NDUFA13: variants seen among roughly 807,000 people sequenced by gnomAD.
The protein encoded by NDUFA13 is NADH:ubiquinone oxidoreductase subunit A13.
Under a neutral mutation model 17.0 loss-of-function variants are expected in NDUFA13, and 16 were observed. The observed-to-expected ratio is 0.94, with a 90% CI of 0.64 to 1.43. The LOEUF is 1.43. Among genes scored for constraint, NDUFA13 ranks in the 40% most tolerant of loss-of-function variants. The probability of loss-of-function intolerance (pLI) is 0.00; values close to 1 mark genes in which losing one functional copy is unlikely to be tolerated. For synonymous variants in NDUFA13, 87 were observed against 78.4 expected (o/e 1.11, Z -0.58); for missense variants, 228 against 206.7 (o/e 1.10, Z -0.63).
intron 1 of NDUFA13, among the ~76,000 whole-genome samples, chr19:19,517,671 C>G (rs2061056409): frequency 6.6e-6 from 1 of 151,648 alleles, no homozygotes; most frequent in African/African-American, 2.4e-5. Context: ...CCTCCCCAGC[C>G]CCTTCTTGGT....
chr19:19,527,677 C>CCACCAT (rs1444813120), intron 3 of NDUFA13, 24 bp from the exon 4 acceptor site: 2 of 1,547,300 alleles, frequency 1.3e-6, no homozygotes, highest in South Asian at 2.4e-5. Context: ...GGCCCCACCC[C>CCACCAT]CACCATCGGC....
chr19:19,521,771 T>G (rs2061079305), intron 1 of NDUFA13, among the ~76,000 whole-genome samples: 1 of 151,846 alleles, frequency 6.6e-6, no homozygotes, highest in Non-Finnish European at 1.5e-5. Context: ...CCCGGCTAAT[T>G]TTTTGCATTT....
chr19:19,517,149 G>A (rs1180066821), intron 1 of NDUFA13, among the ~76,000 whole-genome samples: 3 of 151,964 alleles, frequency 2.0e-5, no homozygotes, highest in African/African-American at 7.3e-5. Context: ...ACAGAAAATT[G>A]AAAAAGAGAA....
At chr19:19,522,744 C>T (rs547980676) in intron 1 of NDUFA13, among the ~76,000 whole-genome samples, 3 of 152,100 alleles carry the variant, frequency 2.0e-5, no homozygotes, top group Non-Finnish European at 2.9e-5. Context: ...TCCCAAAGTG[C>T]TAGAATTACA....
chr19:19,527,413 C>T, intron 3 of NDUFA13, 61 bp downstream of exon 3: 1 of 1,569,420 alleles, frequency 6.4e-7, no homozygotes, highest in Non-Finnish European at 8.8e-7. Flanking sequence ...GCTGCAGGGC[C>T]TGACCTGCAT....
chr19:19,516,526 G>T (rs1467693956), intron 1 of NDUFA13, among the ~76,000 whole-genome samples, 194 bp downstream of exon 1: 1 of 152,332 alleles, frequency 6.6e-6, no homozygotes, highest in East Asian at 1.9e-4. Context: ...CTTCCTTCTC[G>T]TAACAGCCCA....
chr19:19,526,387 A>G, intron 2 of NDUFA13, 127 bp downstream of exon 2: 1 of 1,020,004 alleles, frequency 9.8e-7, no homozygotes, highest in Non-Finnish European at 1.5e-6. Context: ...GTGCAATCCC[A>G]GGCCCCAGAA....
intron 1 of NDUFA13, among the ~76,000 whole-genome samples, chr19:19,519,826 C>T: frequency 6.6e-6 from 1 of 152,182 alleles, no homozygotes; most frequent in Non-Finnish European, 1.5e-5. Context: ...AGTGGCCTTC[C>T]CACCAGACCT....
At chr19:19,521,665 C>G (rs549535237) in intron 1 of NDUFA13, among the ~76,000 whole-genome samples, 1 of 37,922 alleles carries the variant, frequency 2.6e-5, no homozygotes, top group Non-Finnish European at 4.7e-5. Flanking sequence ...TGTAGTGGCA[C>G]GATCTCTGCT....
At chr19:19,525,536 T>TG (rs2061095948) in intron 1 of NDUFA13, among the ~76,000 whole-genome samples, 2 of 152,150 alleles carry the variant, frequency 1.3e-5, no homozygotes, top group Admixed American at 6.5e-5. Flanking sequence ...GAGAAGAGAC[T>TG]GGGGCTGGAA....
intron 1 of NDUFA13, 79 bp from the exon 2 acceptor site, chr19:19,526,103 C>T: frequency 6.3e-7 from 1 of 1,577,324 alleles, no homozygotes; most frequent in Non-Finnish European, 8.6e-7. Context: ...CCCCTGATTG[C>T]AGAGTGGGCA....
chr19:19,526,360 G>A, intron 2 of NDUFA13, 100 bp downstream of exon 2: 2 of 1,340,356 alleles, frequency 1.5e-6, no homozygotes, highest in Non-Finnish European at 2.1e-6. Context: ...GGGTGAACGG[G>A]CCCCTTGGAC....
intron 1 of NDUFA13, 121 bp downstream of exon 1, chr19:19,516,453 A>T: frequency 9.6e-7 from 1 of 1,037,836 alleles, no homozygotes; most frequent in African/African-American, 1.6e-5. Flanking sequence ...GAGCCCGGGG[A>T]TCCATCATAG....
chr19:19,527,909 C>A, intron 4 of NDUFA13, 98 bp from the exon 5 acceptor site: 1 of 1,506,670 alleles, frequency 6.6e-7, no homozygotes, highest in Non-Finnish European at 9.1e-7. Flanking sequence ...AAGGCTGTAG[C>A]GCCTGCCACG....
intron 1 of NDUFA13, among the ~76,000 whole-genome samples, chr19:19,518,803 T>TGCGGG (rs1748757394): frequency 7.4e-6 from 1 of 134,632 alleles, no homozygotes; most frequent in South Asian, 2.6e-4. Context: ...AGTGCAATGG[T>TGCGGG]GCAATCTTGG....
intron 1 of NDUFA13, among the ~76,000 whole-genome samples, chr19:19,522,746 A>G (rs558540963): frequency 6.6e-6 from 1 of 152,196 alleles, no homozygotes; most frequent in African/African-American, 2.4e-5. Flanking sequence ...CCAAAGTGCT[A>G]GAATTACAGG....
At chr19:19,520,114 G>A (rs981858048) in intron 1 of NDUFA13, among the ~76,000 whole-genome samples, 2 of 151,570 alleles carry the variant, frequency 1.3e-5, no homozygotes, top group Non-Finnish European at 2.9e-5. Context: ...AAAGTGCTGG[G>A]ATTACAGGCA....
intron 1 of NDUFA13, among the ~76,000 whole-genome samples, chr19:19,520,697 G>A (rs2061072923): frequency 6.6e-6 from 1 of 152,162 alleles, no homozygotes; most frequent in African/African-American, 2.4e-5. Flanking sequence ...TCACAAAGTT[G>A]TATGGCCATT....
At chr19:19,518,680 C>T (rs1438096693) in intron 1 of NDUFA13, among the ~76,000 whole-genome samples, 2 of 149,552 alleles carry the variant, frequency 1.3e-5, no homozygotes, top group Non-Finnish European at 3.0e-5. Context: ...TCTCCTCCCT[C>T]GGCCTCCCTA....
Sources: gnomAD v4.1 joint callset for allele counts (sites outside exome capture counted in the v4.1 genomes callset) on GRCh38, gnomAD v4.1.1 for gene constraint, MANE v1.5 for transcripts, NCBI Gene and HGNC (gene_info 2026-07-23, HGNC 2026-07-21) for gene names.